The following NFIB variants were observed in gnomAD, a reference collection of about 807,000 sequenced individuals.
NFIB encodes the protein nuclear factor 1 B-type.
NFIB carries 11 observed loss-of-function variants against 61.5 expected under a neutral mutation model. The ratio of observed to expected loss-of-function variants is 0.18; its 90% CI spans 0.11 to 0.30. The LOEUF (loss-of-function observed/expected upper bound fraction) is 0.30, where lower values mean the gene tolerates loss of function less well. NFIB is among the 10% of genes least tolerant of loss of function. The pLI is 1.00. For missense variants in NFIB, 471 were observed against 608.9 expected (o/e 0.77, Z 2.38); for synonymous variants, 260 against 216.5 (o/e 1.20, Z -1.76).
intron 2 of NFIB, among the ~76,000 whole-genome samples, chr9:14,248,132 CTA>C (rs2055148539): frequency 6.6e-6 from 1 of 151,484 alleles, no homozygotes; most frequent in Non-Finnish European, 1.5e-5. Context: ...TGGGGTCTCC[CTA>C]TGTTGCCCAG....
At chr9:14,250,387 A>C (rs2132125322) in intron 2 of NFIB, among the ~76,000 whole-genome samples, 1 of 152,304 alleles carries the variant, frequency 6.6e-6, no homozygotes, top group African/African-American at 2.4e-5. Context: ...AGCTTTTTGG[A>C]AGGGAAGATC....
the NFIB span, among the ~76,000 whole-genome samples, chr9:14,458,525 T>G: frequency 4.1e-3 from 623 of 152,226 alleles, 7 homozygotes; most frequent in African/African-American, 0.013. Context: ...AGGGCAATCA[T>G]GCAGGAGAAG....
intron 1 of NFIB, among the ~76,000 whole-genome samples, chr9:14,309,022 C>A (rs2060160877): frequency 6.6e-6 from 1 of 152,326 alleles, no homozygotes; most frequent in East Asian, 1.9e-4. Context: ...CAAATGAGAA[C>A]TTCCACCACC....
intron 2 of NFIB, among the ~76,000 whole-genome samples, chr9:14,233,916 T>C (rs559162493): frequency 5.3e-5 from 8 of 152,334 alleles, no homozygotes; most frequent in Admixed American, 4.6e-4. Flanking sequence ...CATTCCAATA[T>C]TCAAAAGGAA....
chr9:14,322,272 C>G, intron 1 of NFIB: 1 of 444,334 alleles, frequency 2.3e-6, no homozygotes, highest in Non-Finnish European at 3.4e-6. Context: ...GTTTCTCGTG[C>G]TTGACTTGAA....
At chr9:14,258,206 C>A (rs1003796958) in intron 2 of NFIB, among the ~76,000 whole-genome samples, 1 of 152,228 alleles carries the variant, frequency 6.6e-6, no homozygotes, top group African/African-American at 2.4e-5. Context: ...CTGCTCTGAT[C>A]TAACAGAGCA....
chr9:14,354,245 A>G (rs896703646), intron 1 of NFIB, among the ~76,000 whole-genome samples: 2 of 152,156 alleles, frequency 1.3e-5, no homozygotes, highest in East Asian at 3.8e-4. Context: ...TCCTTTTAAA[A>G]ATAAAAAAAT....
chr9:14,129,307 T>C (rs1432483180), intron 6 of NFIB, among the ~76,000 whole-genome samples: 1 of 151,020 alleles, frequency 6.6e-6, no homozygotes, highest in Non-Finnish European at 1.5e-5. Context: ...TCTTGGCCCA[T>C]TAATAAAAAT....
intron 2 of NFIB, among the ~76,000 whole-genome samples, chr9:14,294,184 G>C (rs1404356764): frequency 6.6e-6 from 1 of 152,198 alleles, no homozygotes; most frequent in Non-Finnish European, 1.5e-5. Flanking sequence ...ATTACTGTAA[G>C]ACCAGTGATC....
At chr9:14,457,929 A>G in the NFIB span, among the ~76,000 whole-genome samples, 1 of 152,228 alleles carries the variant, frequency 6.6e-6, no homozygotes, top group African/African-American at 2.4e-5. Flanking sequence ...GCCAAATTCT[A>G]CCAGAGGTAC....
chr9:14,153,112 T>C (rs1247871246), intron 4 of NFIB, among the ~76,000 whole-genome samples: 1 of 152,146 alleles, frequency 6.6e-6, no homozygotes, highest in Admixed American at 6.6e-5. Flanking sequence ...ATACACTGTA[T>C]GCATGGATCC....
chr9:14,169,726 G>A (rs1448912225), intron 3 of NFIB, among the ~76,000 whole-genome samples: 1 of 152,228 alleles, frequency 6.6e-6, no homozygotes, highest in East Asian at 1.9e-4. Flanking sequence ...GCTGAGGCAG[G>A]AGAATTGCTT....
At chr9:14,292,428 C>A (rs2059165094) in intron 2 of NFIB, among the ~76,000 whole-genome samples, 1 of 152,162 alleles carries the variant, frequency 6.6e-6, no homozygotes, top group African/African-American at 2.4e-5. Flanking sequence ...TTTTCTATTT[C>A]TCTTTAATAA....
chr9:14,282,493 G>C (rs2058437201), intron 2 of NFIB, among the ~76,000 whole-genome samples: 1 of 152,186 alleles, frequency 6.6e-6, no homozygotes, highest in South Asian at 2.1e-4. Context: ...CTTTGCAAAA[G>C]TCCAAATTAC....
intron 2 of NFIB, among the ~76,000 whole-genome samples, chr9:14,191,272 G>A (rs771294306): frequency 2.0e-5 from 3 of 152,096 alleles, no homozygotes; most frequent in Non-Finnish European, 4.4e-5. Context: ...AGGCTGCAGT[G>A]AGCTGAGATT....
chr9:14,297,644 C>T (rs2059519592), intron 2 of NFIB, among the ~76,000 whole-genome samples: 1 of 152,100 alleles, frequency 6.6e-6, no homozygotes, highest in South Asian at 2.1e-4. Context: ...CATTGTCTCT[C>T]ATCTGTCAGT....
chr9:14,465,012 GAACA>G, the NFIB span, among the ~76,000 whole-genome samples: 1 of 152,092 alleles, frequency 6.6e-6, no homozygotes, highest in East Asian at 1.9e-4. Context: ...AGATAAATGA[GAACA>G]GTCAGTTAAA....
the NFIB span, among the ~76,000 whole-genome samples, chr9:14,411,358 CTA>C: frequency 3.9e-5 from 6 of 152,156 alleles, no homozygotes; most frequent in Non-Finnish European, 4.4e-5. Flanking sequence ...GTCGATTGAT[CTA>C]TTACAGAGGT....
intron 1 of NFIB, among the ~76,000 whole-genome samples, chr9:14,379,900 C>A (rs944098445): frequency 3.9e-5 from 6 of 152,010 alleles, no homozygotes; most frequent in African/African-American, 1.5e-4. Context: ...CCAGGCTGGT[C>A]TCGAACTCCT....
Sources: allele counts gnomAD v4.1 joint callset (sites outside exome capture counted in the v4.1 genomes callset), GRCh38; gene constraint gnomAD v4.1.1; transcripts MANE v1.5; gene names NCBI Gene and HGNC (gene_info 2026-07-23, HGNC 2026-07-21).